Variants in DPP6 observed in about 807,000 individuals in gnomAD.
DPP6 encodes the protein dipeptidyl peptidase like 6.
Under a neutral mutation model 122.6 loss-of-function variants are expected in DPP6, and 69 were observed. That is an observed-to-expected ratio of 0.56 (90% confidence interval 0.46 to 0.69). The LOEUF (loss-of-function observed/expected upper bound fraction) is 0.69. Ranked by LOEUF, DPP6 falls within the 30% of genes least tolerant of loss-of-function variation. The pLI is 0.00. For synonymous variants in DPP6, 418 were observed against 433.1 expected, an observed-to-expected ratio of 0.97 and a Z score of 0.43; for missense variants, 928 against 1,116.9, an observed-to-expected ratio of 0.83 and a Z score of 2.41.
intron 1 of DPP6, among the ~76,000 whole-genome samples, chr7:154,274,056 C>G (rs1224374367): frequency 2.0e-5 from 3 of 152,136 alleles, no homozygotes; most frequent in Non-Finnish European, 4.4e-5. Flanking sequence ...GAACTGTGAG[C>G]CCTGCACCAG....
chr7:154,181,559 TA>T (rs1441508806), intron 1 of DPP6, among the ~76,000 whole-genome samples: 2 of 152,194 alleles, frequency 1.3e-5, no homozygotes, highest in Non-Finnish European at 1.5e-5. Flanking sequence ...CTCACAGCCC[TA>T]AACTATTCAT....
chr7:153,956,077 C>T (rs1802447715), intron 1 of DPP6, among the ~76,000 whole-genome samples: 1 of 152,200 alleles, frequency 6.6e-6, no homozygotes, highest in African/African-American at 2.4e-5. Flanking sequence ...CCGGATGGAG[C>T]AGACATTAAC....
intron 3 of DPP6, among the ~76,000 whole-genome samples, chr7:154,484,684 A>G (rs1475080654): frequency 6.6e-6 from 1 of 152,182 alleles, no homozygotes; most frequent in African/African-American, 2.4e-5. Flanking sequence ...TGGCACCAGC[A>G]TCTCTCCACT....
At chr7:154,572,859 T>G (rs1831215532) in intron 5 of DPP6, among the ~76,000 whole-genome samples, 1 of 151,532 alleles carries the variant, frequency 6.6e-6, no homozygotes, top group Admixed American at 6.6e-5. Context: ...TTTGTATTTT[T>G]GGTATAGACA....
intron 1 of DPP6, among the ~76,000 whole-genome samples, chr7:154,226,215 T>G (rs76464750): frequency 0.098 from 14,857 of 152,184 alleles, 909 homozygotes; most frequent in African/African-American, 0.16. Context: ...AATGGCATCA[T>G]GTCTGCAAGG....
chr7:154,476,546 TC>T (rs1822754144), intron 3 of DPP6, among the ~76,000 whole-genome samples: 2 of 152,138 alleles, frequency 1.3e-5, no homozygotes, highest in Admixed American at 1.3e-4. Context: ...CCAGTGGGAA[TC>T]CTAACACACA....
intron 1 of DPP6, among the ~76,000 whole-genome samples, chr7:154,370,848 G>A (rs1241232348): frequency 6.6e-6 from 1 of 152,184 alleles, no homozygotes; most frequent in Non-Finnish European, 1.5e-5. Context: ...AAGTCATTCT[G>A]TAGGAAAGTG....
chr7:154,312,611 C>T (rs1033463091), intron 1 of DPP6, among the ~76,000 whole-genome samples: 2 of 152,138 alleles, frequency 1.3e-5, no homozygotes, highest in East Asian at 1.9e-4. Flanking sequence ...TATGTGCGCC[C>T]ATGTATGTGT....
chr7:154,081,589 T>C (rs368101624), intron 1 of DPP6, among the ~76,000 whole-genome samples: 18,735 of 133,528 alleles, frequency 0.14, 2,282 homozygotes, highest in African/African-American at 0.34. Context: ...AATGAAGGCT[T>C]CTAGGAAAGG....
chr7:154,071,700 A>G (rs1477548376), intron 1 of DPP6, among the ~76,000 whole-genome samples: 1 of 152,228 alleles, frequency 6.6e-6, no homozygotes, highest in Admixed American at 6.5e-5. Context: ...TTTCTCCGCT[A>G]AAAACATTTT....
chr7:154,369,965 C>CATTCATTT (rs1554529266), intron 1 of DPP6, among the ~76,000 whole-genome samples: 1 of 145,848 alleles, frequency 6.9e-6, no homozygotes, highest in South Asian at 2.2e-4. Context: ...CAGATATATG[C>CATTCATTT]ATTTATTTAT....
chr7:154,511,381 C>T (rs912192536), intron 3 of DPP6, among the ~76,000 whole-genome samples: 2 of 152,196 alleles, frequency 1.3e-5, no homozygotes, highest in Non-Finnish European at 2.9e-5. Context: ...GAAAAACCCT[C>T]TCTCTGGCTC....
At chr7:154,208,429 G>A (rs564501239) in intron 1 of DPP6, among the ~76,000 whole-genome samples, 1 of 152,194 alleles carries the variant, frequency 6.6e-6, no homozygotes, top group Admixed American at 6.5e-5. Context: ...CCAGGGCTTC[G>A]CAAGGCCCAG....
intron 16 of DPP6, among the ~76,000 whole-genome samples, chr7:154,847,428 C>T (rs557132110): frequency 4.1e-4 from 62 of 152,314 alleles, no homozygotes; most frequent in Non-Finnish European, 7.1e-4. Context: ...ATGCAAATGA[C>T]ATCGTAGCTA....
At chr7:154,386,770 C>G (rs572272402) in intron 1 of DPP6, among the ~76,000 whole-genome samples, 1 of 152,280 alleles carries the variant, frequency 6.6e-6, no homozygotes, top group South Asian at 2.1e-4. Flanking sequence ...GTAGCGTTAG[C>G]TGGAGACATA....
chr7:153,997,134 G>A (rs1797478430), intron 1 of DPP6, among the ~76,000 whole-genome samples: 1 of 152,032 alleles, frequency 6.6e-6, no homozygotes, highest in African/African-American at 2.4e-5. Flanking sequence ...CCATGGCAAT[G>A]AAACATGACA....
At chr7:154,786,668 A>G (rs1797357058) in intron 10 of DPP6, among the ~76,000 whole-genome samples, 1 of 152,084 alleles carries the variant, frequency 6.6e-6, no homozygotes, top group South Asian at 2.1e-4. Context: ...TCCTTTATAA[A>G]TTACCCAGTC....
intron 7 of DPP6, among the ~76,000 whole-genome samples, chr7:154,708,852 A>G (rs1185640433): frequency 6.6e-6 from 1 of 152,180 alleles, no homozygotes; most frequent in East Asian, 1.9e-4. Context: ...GTTCGAGACC[A>G]GCCTGGCCAC....
chr7:153,955,937 G>A (rs1188512495), intron 1 of DPP6, among the ~76,000 whole-genome samples: 3 of 152,170 alleles, frequency 2.0e-5, no homozygotes, highest in African/African-American at 7.2e-5. Flanking sequence ...TAGTGATTGT[G>A]TGGAGTGACA....
Sources: allele counts gnomAD v4.1 joint callset (sites outside exome capture counted in the v4.1 genomes callset), GRCh38; gene constraint gnomAD v4.1.1; transcripts MANE v1.5; gene names NCBI Gene and HGNC (gene_info 2026-07-23, HGNC 2026-07-21).